Variants in AOPEP observed in about 807,000 individuals in gnomAD.
The protein encoded by AOPEP is aminopeptidase O.
In AOPEP, 77 loss-of-function variants were observed where a neutral mutation model predicts 98.1. That is an observed-to-expected ratio of 0.78 (90% CI 0.65 to 0.95). AOPEP has a LOEUF of 0.95. AOPEP is among the 40% of genes least tolerant of loss of function. AOPEP has a pLI of 0.00. For missense variants in AOPEP, 1,024 were observed against 1,024.7 expected (o/e 1.00, Z 0.01); for synonymous variants, 346 against 365.3 (o/e 0.95, Z 0.60).
intron 5 of AOPEP, among the ~76,000 whole-genome samples, chr9:94,868,855 A>G (rs1451296495): frequency 2.0e-5 from 3 of 152,206 alleles, no homozygotes; most frequent in Non-Finnish European, 4.4e-5. Flanking sequence ...TGTATTTAGT[A>G]TTGCTTGCCA....
chr9:94,742,365 CA>C (rs1833333690), intron 1 of AOPEP, among the ~76,000 whole-genome samples: 1 of 152,008 alleles, frequency 6.6e-6, no homozygotes, highest in Admixed American at 6.6e-5. Context: ...TGCCTACCCA[CA>C]GGCAGTAATT....
intron 9 of AOPEP, among the ~76,000 whole-genome samples, chr9:94,962,659 C>T (rs2058923145): frequency 6.6e-6 from 1 of 151,996 alleles, no homozygotes; most frequent in African/African-American, 2.4e-5. Flanking sequence ...TAAAGTTCTT[C>T]CTTTTCCAGT....
At chr9:94,778,968 G>T (rs954008723) in intron 3 of AOPEP, among the ~76,000 whole-genome samples, 19 of 152,006 alleles carry the variant, frequency 1.2e-4, no homozygotes, top group Non-Finnish European at 7.4e-5. Flanking sequence ...GGCAGAGGTT[G>T]CAGTGAGCTG....
chr9:95,130,540 C>A, the AOPEP span, among the ~76,000 whole-genome samples: 12 of 152,188 alleles, frequency 7.9e-5, no homozygotes, highest in Admixed American at 5.9e-4. Flanking sequence ...AGCTGAAGTT[C>A]ATTAAGCCTG....
intron 5 of AOPEP, among the ~76,000 whole-genome samples, chr9:94,879,528 A>T (rs977479510): frequency 6.6e-6 from 1 of 152,190 alleles, no homozygotes; most frequent in African/African-American, 2.4e-5. Flanking sequence ...GAGTTTCCCT[A>T]TCTATAGCTG....
At chr9:94,829,014 G>A (rs1365373136) in intron 5 of AOPEP, among the ~76,000 whole-genome samples, 11 of 151,660 alleles carry the variant, frequency 7.3e-5, no homozygotes, top group African/African-American at 2.2e-4. Flanking sequence ...GATTACAGGC[G>A]CGGGGCACCA....
At chr9:94,815,229 C>T (rs1331693563) in intron 5 of AOPEP, among the ~76,000 whole-genome samples, 1 of 152,016 alleles carries the variant, frequency 6.6e-6, no homozygotes, top group Non-Finnish European at 1.5e-5. Flanking sequence ...AAGTCCCATC[C>T]CAATGAAAGA....
At chr9:94,897,974 G>A (rs1409017165) in intron 5 of AOPEP, among the ~76,000 whole-genome samples, 1 of 151,856 alleles carries the variant, frequency 6.6e-6, no homozygotes, top group Non-Finnish European at 1.5e-5. Context: ...AGAGTAGCTG[G>A]GATTACAAGC....
At chr9:94,731,595 A>G (rs1426270590) in intron 1 of AOPEP, among the ~76,000 whole-genome samples, 1 of 151,846 alleles carries the variant, frequency 6.6e-6, no homozygotes, top group African/African-American at 2.4e-5. Flanking sequence ...TGATTTTGTC[A>G]TCTTTTTGCT....
chr9:94,827,629 T>C (rs1854935028), intron 5 of AOPEP, among the ~76,000 whole-genome samples: 1 of 152,202 alleles, frequency 6.6e-6, no homozygotes. Context: ...TCCTACCGCA[T>C]GTTTTCAGGG....
At chr9:94,923,454 C>A (rs1214263003) in intron 5 of AOPEP, among the ~76,000 whole-genome samples, 1 of 152,208 alleles carries the variant, frequency 6.6e-6, no homozygotes, top group Non-Finnish European at 1.5e-5. Flanking sequence ...CCTCAGCCAT[C>A]CCCGGCACCT....
At chr9:94,793,388 A>T (rs1846185686) in intron 4 of AOPEP, among the ~76,000 whole-genome samples, 1 of 147,238 alleles carries the variant, frequency 6.8e-6, no homozygotes. Context: ...CAAAGAAGAA[A>T]GGAAAGAGAG....
chr9:95,078,218 C>T (rs557518137), intron 14 of AOPEP, among the ~76,000 whole-genome samples: 3 of 152,260 alleles, frequency 2.0e-5, no homozygotes, highest in African/African-American at 7.2e-5. Flanking sequence ...CTCTTCCACC[C>T]GCCATCTGGA....
chr9:95,041,058 A>AG (rs2065246097), intron 13 of AOPEP, among the ~76,000 whole-genome samples: 1 of 151,948 alleles, frequency 6.6e-6, no homozygotes, highest in Non-Finnish European at 1.5e-5. Context: ...CCAAAAAAAA[A>AG]AAAAGCAAGT....
At chr9:95,110,226 TTAAG>T in the AOPEP span, 20 of 998,574 alleles carry the variant, frequency 2.0e-5, no homozygotes, top group South Asian at 3.3e-4. Flanking sequence ...TTTCTAGAAA[TTAAG>T]TGTTATTGAA....
intron 7 of AOPEP, among the ~76,000 whole-genome samples, chr9:94,939,664 C>T (rs2056773242): frequency 6.6e-6 from 1 of 152,118 alleles, no homozygotes; most frequent in African/African-American, 2.4e-5. Context: ...GATGGTGGCT[C>T]CCAGTCAAAA....
At position 94,972,029 on chromosome 9, in the gene AOPEP, G is replaced by A. The variant is rs888163690; in HGVS notation, c.1916+4228G>A. Reference sequence around the variant, plus strand: ...GGCAGTGTGGCAGAGAGATGGGGGCGGAGAGGACTGGAAGCCAGGAAAACA... The same window carrying A: ...GGCAGTGTGGCAGAGAGATGGGGGCAGAGAGGACTGGAAGCCAGGAAAACA... On this transcript the variant is annotated intron_variant, in intron 10 of 16. Transcript: ENST00000375315. The surrounding 1 kb of genome is among the most constrained non-coding windows in gnomAD (Gnocchi z 4.2). Among the ~76,000 whole-genome samples the A allele has an allele frequency of 1.6e-4, 25 of 152,158 alleles. No homozygotes were observed. The highest frequency in any genetic ancestry group is 1.6e-3 in the Admixed American group (25 of 15,276).
At chr9:94,747,976 T>G (rs560076486) in intron 1 of AOPEP, among the ~76,000 whole-genome samples, 16 of 152,308 alleles carry the variant, frequency 1.1e-4, no homozygotes, top group African/African-American at 3.4e-4. Flanking sequence ...AATTCCAATC[T>G]TGAATAAAGT....
chr9:94,801,086 A>G, intron 5 of AOPEP, 84 bp downstream of exon 5: 1 of 1,490,786 alleles, frequency 6.7e-7, no homozygotes, highest in Admixed American at 1.7e-5. Flanking sequence ...GCTCTGTCAG[A>G]GCAGTCATTT....
Sources: gnomAD v4.1 joint callset for allele counts (sites outside exome capture counted in the v4.1 genomes callset) on GRCh38, gnomAD v4.1.1 for gene constraint, Gnocchi (gnomAD v3.1) non-coding constraint, MANE v1.5 for transcripts, NCBI Gene and HGNC (gene_info 2026-07-23, HGNC 2026-07-21) for gene names.